CD300A: variants seen among roughly 807,000 people sequenced by gnomAD.
CD300A encodes CD300a molecule, also known as CMRF35-like molecule 8.
In CD300A, 22 loss-of-function variants were observed where a neutral mutation model predicts 33.6. That is an observed-to-expected ratio of 0.66 (90% confidence interval 0.47 to 0.94). CD300A has a LOEUF of 0.94. CD300A is among the 40% of genes least tolerant of loss of function. The pLI is 0.00. For missense variants in CD300A, 326 were observed against 360.5 expected, an observed-to-expected ratio of 0.90 and a Z score of 0.77; for synonymous variants, 136 against 148.1, an observed-to-expected ratio of 0.92 and a Z score of 0.59.
intron 6 of CD300A, among the ~76,000 whole-genome samples, chr17:74,483,665 AT>A (rs1362406523): frequency 6.6e-6 from 1 of 151,932 alleles, no homozygotes; most frequent in East Asian, 1.9e-4. Context: ...CCTCAAGAAT[AT>A]TTCATTAAGA....
At chr17:74,471,651 G>A (rs1276930985) in intron 1 of CD300A, among the ~76,000 whole-genome samples, 2 of 152,200 alleles carry the variant, frequency 1.3e-5, no homozygotes, top group Non-Finnish European at 2.9e-5. Flanking sequence ...TTGCTGCTGA[G>A]AGCCTCAGGA....
chr17:74,469,990 G>A (rs951760819), intron 1 of CD300A: 14 of 985,420 alleles, frequency 1.4e-5, no homozygotes, highest in Middle Eastern at 5.2e-4. Flanking sequence ...GTGTGGGTGT[G>A]TGTGTTCCTC....
chr17:74,480,522 G>A lies in CD300A; in HGVS notation c.629-767G>A, dbSNP rs987379684. ...GGGCTGACAGGCCTCCTTCCCTACG[G>A]CCTGGGGCAGCAGGCAGGTGGGCTG... On this transcript the variant is annotated intron_variant, in intron 4 of 6. Transcript: ENST00000360141. The surrounding 1 kb of genome is among the most constrained non-coding windows in gnomAD (Gnocchi z 4.2). 6.6e-6 allele frequency among the ~76,000 whole-genome samples: 1 copy of A among 152,182 alleles called. No homozygotes were observed. The highest frequency in any genetic ancestry group is 2.4e-5 in the African/African-American group (1 of 41,450).
At position 74,480,470 on chromosome 17, in the gene CD300A, CT is replaced by C. The variant is rs1319385875; in HGVS notation, c.629-818del. On this transcript the variant is annotated intron_variant, in intron 4 of 6. Coordinates refer to ENST00000360141, the MANE Select transcript of CD300A (RefSeq NM_007261.4). The surrounding 1 kb of genome is among the most constrained non-coding windows in gnomAD (Gnocchi z 4.2). ...TAGAGCAGGTGCCAGCAGCCAAGGG[CT>C]GTGTGAGCCTGAGCTGGCGTCCCTG... 5.9e-5 allele frequency among the ~76,000 whole-genome samples: 9 copies of C among 152,188 alleles called. No individual in the cohort carries two copies. Among genetic ancestry groups the C allele is most frequent in the Non-Finnish European group, 1.3e-4 (9 of 68,030 alleles).
chr17:74,482,390 G>A (rs1167338599), intron 6 of CD300A, among the ~76,000 whole-genome samples: 2 of 151,814 alleles, frequency 1.3e-5, no homozygotes, highest in African/African-American at 4.8e-5. Context: ...CCTGGGAGCT[G>A]AAGAGGCCCC....
chr17:74,466,724 G>A lies in CD300A; in HGVS notation c.21G>A (p.Leu7=). ...GGACCATGTGGCTGCCTTGGGCTCT[G>A]TTGCTTCTCTGGGTCCCAGGTGAGA... MWLPWA[L]LLLWVPGCFA... The change falls in exon 1 of 7, where the codon CTG becomes CTA. Residue 7 remains leucine (L), a synonymous_variant. Coordinates refer to ENST00000360141, the MANE Select transcript of CD300A (RefSeq NM_007261.4). The A allele has an allele frequency of 1.9e-6, 3 of 1,596,596 alleles. No homozygotes were observed. The highest frequency in any genetic ancestry group is 2.6e-6 in the Non-Finnish European group (3 of 1,171,230).
intron 4 of CD300A, 91 bp downstream of exon 4, chr17:74,477,621 CA>C: frequency 1.2e-6 from 1 of 810,088 alleles, no homozygotes; most frequent in Non-Finnish European, 2.1e-6. Flanking sequence ...CCACGTCCCA[CA>C]GTATTGCTAT....
intron 6 of CD300A, among the ~76,000 whole-genome samples, 200 bp downstream of exon 6, chr17:74,482,033 G>A (rs981637918): frequency 1.3e-5 from 2 of 152,018 alleles, no homozygotes; most frequent in African/African-American, 2.4e-5. Context: ...TTGTGGTGGG[G>A]GGTTTTTGGG....
At chr17:74,476,330 C>T (rs960612985) in intron 3 of CD300A, among the ~76,000 whole-genome samples, 1 of 152,226 alleles carries the variant, frequency 6.6e-6, no homozygotes, top group African/African-American at 2.4e-5. Context: ...GAGCTAGGGA[C>T]AAAGGCCAGC....
intron 1 of CD300A, among the ~76,000 whole-genome samples, chr17:74,471,401 T>G (rs8081286): frequency 0.6 from 90,952 of 151,986 alleles, 30,380 homozygotes; most frequent in African/African-American, 0.9. Flanking sequence ...TCAAAAAGTT[T>G]AATATCAGCC....
Position 74,477,349 on chromosome 17 carries a change from CAAAAAATAAAAAT to C in CD300A, c.534-67_534-55del, listed in dbSNP as rs555120347. ...TGGGTAACAGAGCCAGATCCTGTCTCAAAAAATAAAAATAAAAAATAAAAATAAAAAAGTAAGT... is the reference window on the plus strand; with the variant it reads ...TGGGTAACAGAGCCAGATCCTGTCTCAAAAAATAAAAATAAAAAAGTAAGT... On this transcript the variant is annotated intron_variant, in intron 3 of 6. Transcript: ENST00000360141. 584 of 902,988 alleles carry C rather than the reference CAAAAAATAAAAAT, an allele frequency of 6.5e-4. 2 individuals carry two copies. Among genetic ancestry groups the C allele is most frequent in the African/African-American group, 5.0e-3 (294 of 59,248 alleles). The allele number at this position is 902,988 out of a possible 1,614,324, so 55.9% of individuals were successfully genotyped here.
At chr17:74,474,776 G>A in intron 3 of CD300A, 91 bp downstream of exon 3, 1 of 1,383,804 alleles carries the variant, frequency 7.2e-7, no homozygotes. Context: ...GCCAGCTGGA[G>A]GTGTGCATCG....
Position 74,484,378 on chromosome 17 carries a change from T to C in CD300A, c.*252T>C, listed in dbSNP as rs1188876367. On this transcript the variant is annotated 3_prime_UTR_variant, in exon 7 of 7. Coordinates refer to ENST00000360141, the MANE Select transcript of CD300A (RefSeq NM_007261.4). Reference sequence around the variant, plus strand: ...ACCAGTGCCTGTCACCTCTTTCCCCTTTGCCCCTGCTTCATCCCAGCTCTG... The same window carrying C: ...ACCAGTGCCTGTCACCTCTTTCCCCCTTGCCCCTGCTTCATCCCAGCTCTG... The C allele has an allele frequency of 2.7e-6, 1 of 365,986 alleles. No individual in the cohort carries two copies. The highest frequency in any genetic ancestry group is 3.9e-5 in the Admixed American group (1 of 25,716). 22.7% of individuals were successfully genotyped at this position (365,986 alleles called of 1,614,324 possible).
chr17:74,479,993 G>T (rs1027253585), intron 4 of CD300A, among the ~76,000 whole-genome samples: 5 of 152,108 alleles, frequency 3.3e-5, no homozygotes, highest in African/African-American at 7.2e-5. Flanking sequence ...TTCCCCTACC[G>T]CTGGCTCCCC....
At chr17:74,478,690 C>G (rs377052602) in intron 4 of CD300A, among the ~76,000 whole-genome samples, 6 of 152,292 alleles carry the variant, frequency 3.9e-5, no homozygotes, top group East Asian at 1.9e-4. Context: ...TTGTCCAAAG[C>G]CTTCCAAGAC....
chr17:74,476,332 A>G (rs1480313126), intron 3 of CD300A, among the ~76,000 whole-genome samples: 1 of 152,226 alleles, frequency 6.6e-6, no homozygotes, highest in Non-Finnish European at 1.5e-5. Flanking sequence ...GCTAGGGACA[A>G]AGGCCAGCCA....
rs769389889 is a variant in CD300A at position 74,473,847 on chromosome 17, G to A, written c.352G>A (p.Val118Ile). Residue 118 changes from valine (V) to isoleucine (I), a missense_variant, in exon 2 of 7, where the codon GTC becomes ATC. Transcript: ENST00000360141. The part of the protein sequence containing the change: ...PWLRDFHDPV[V>I]EVEVSVFPAS... ...GCTCCGAGACTTTCATGATCCCGTT[G>A]TCGAGGTTGAGGTGTCCGTGTTCCC... 1.5e-5 allele frequency: 24 copies of A among 1,612,820 alleles called. No individual in the cohort carries two copies. Among genetic ancestry groups the A allele is most frequent in the Non-Finnish European group, 1.9e-5 (22 of 1,178,950 alleles).
At chr17:74,483,661 G>A (rs963481034) in intron 6 of CD300A, among the ~76,000 whole-genome samples, 3 of 152,154 alleles carry the variant, frequency 2.0e-5, no homozygotes, top group African/African-American at 4.8e-5. Context: ...CTGGCCTCAA[G>A]AATATTTCAT....
chr17:74,481,654 C>T, intron 5 of CD300A, 72 bp from the exon 6 acceptor site: 1 of 1,075,364 alleles, frequency 9.3e-7, no homozygotes, highest in Non-Finnish European at 1.4e-6. Flanking sequence ...GAAGGGGAGA[C>T]ACATGCAGAG....
Sources: gnomAD v4.1 joint callset for allele counts (sites outside exome capture counted in the v4.1 genomes callset) on GRCh38, gnomAD v4.1.1 for gene constraint, Gnocchi (gnomAD v3.1) non-coding constraint, MANE v1.5 for transcripts, NCBI Gene and HGNC (gene_info 2026-07-23, HGNC 2026-07-21) for gene names.